Variants in STK39 observed in about 807,000 individuals in gnomAD.
STK39 encodes the protein STE20/SPS1-related proline-alanine-rich protein kinase.
A neutral mutation model predicts 77.8 loss-of-function variants in STK39; 20 were observed. That is an observed-to-expected ratio of 0.26 (90% CI 0.18 to 0.37). The LOEUF is 0.37. Among genes scored for constraint, STK39 ranks in the 10% least tolerant of loss-of-function variants. The probability of loss-of-function intolerance (pLI) is 1.00; values close to 1 mark genes in which losing one functional copy is unlikely to be tolerated. For missense variants in STK39, 479 were observed against 656.5 expected, an observed-to-expected ratio of 0.73 and a Z score of 2.95; for synonymous variants, 246 against 234.1, an observed-to-expected ratio of 1.05 and a Z score of -0.47.
At chr2:168,130,486 GA>G (rs1687651814) in intron 8 of STK39, among the ~76,000 whole-genome samples, 1 of 152,176 alleles carries the variant, frequency 6.6e-6, no homozygotes, top group African/African-American at 2.4e-5. Flanking sequence ...CAGCACCTCA[GA>G]GGCAGGTCCT....
intron 10 of STK39, among the ~76,000 whole-genome samples, chr2:168,102,929 CAAAAAAAAAAAAAAA>C (rs35442749): frequency 4.0e-5 from 2 of 50,084 alleles, no homozygotes; most frequent in Admixed American, 2.6e-4. Flanking sequence ...GAATCCGTCT[CAAAAAAAAAAAAAAA>C]AAAAAAAAAA....
At chr2:168,220,238 G>A (rs1407932705) in intron 1 of STK39, among the ~76,000 whole-genome samples, 1 of 151,992 alleles carries the variant, frequency 6.6e-6, no homozygotes, top group Non-Finnish European at 1.5e-5. Flanking sequence ...AACTCAATTC[G>A]CAACAGCAAC....
intron 1 of STK39, among the ~76,000 whole-genome samples, chr2:168,233,782 T>C (rs1031765249): frequency 2.6e-5 from 4 of 152,222 alleles, no homozygotes; most frequent in African/African-American, 9.6e-5. Context: ...TAAGACAAAC[T>C]GAAGTGATTC....
At chr2:168,217,858 T>C (rs1370123253) in intron 1 of STK39, among the ~76,000 whole-genome samples, 2 of 152,210 alleles carry the variant, frequency 1.3e-5, no homozygotes, top group Non-Finnish European at 2.9e-5. Context: ...GAGGACTGAC[T>C]GTAGACATAT....
At chr2:168,222,291 TA>T (rs1294207359) in intron 1 of STK39, among the ~76,000 whole-genome samples, 2 of 152,168 alleles carry the variant, frequency 1.3e-5, no homozygotes, top group Non-Finnish European at 2.9e-5. Context: ...ATAACTTTTC[TA>T]AACCTCCCAA....
intron 10 of STK39, among the ~76,000 whole-genome samples, chr2:168,125,615 T>C (rs1687520769): frequency 6.6e-6 from 1 of 152,108 alleles, no homozygotes; most frequent in Non-Finnish European, 1.5e-5. Flanking sequence ...AAAATCAAGA[T>C]GATCCCTAAA....
At chr2:167,976,817 T>G (rs1442498429) in intron 16 of STK39, among the ~76,000 whole-genome samples, 1 of 152,206 alleles carries the variant, frequency 6.6e-6, no homozygotes, top group Non-Finnish European at 1.5e-5. Flanking sequence ...TCAGAGAGAC[T>G]GGTCTGCATA....
Position 167,962,279 on chromosome 2 carries a change from T to C in STK39, c.1563+2383A>G, listed in dbSNP as rs73026948. Among the ~76,000 whole-genome samples the C allele has an allele frequency of 3.6e-3, 556 of 152,332 alleles. 2 individuals are homozygous for C. Among genetic ancestry groups the C allele is most frequent in the African/African-American group, 0.012 (515 of 41,580 alleles). ...TTTATTCCTGAATAAAATAACCAAG[T>C]TGATGAATGAAGGTAAATACATTTG... On this transcript the variant is annotated intron_variant, in intron 17 of 17. Transcript: ENST00000355999.
intron 14 of STK39, among the ~76,000 whole-genome samples, chr2:168,042,577 C>CTTTTTTTTTTTTTT (rs540413448): frequency 1.5e-5 from 2 of 133,046 alleles, no homozygotes. Context: ...TTCCTTCCTT[C>CTTTTTTTTTTTTTT]TTTTTTTTTT....
chr2:168,134,181 G>A (rs949962029), intron 8 of STK39, among the ~76,000 whole-genome samples: 4 of 152,168 alleles, frequency 2.6e-5, no homozygotes, highest in African/African-American at 9.6e-5. Flanking sequence ...CAAAATAATG[G>A]TCCAGGCTTT....
rs370605599 is a variant in STK39 at position 168,108,608 on chromosome 2, G to A, written c.1089+20933C>T. On this transcript the variant is annotated intron_variant, in intron 10 of 17. Coordinates refer to ENST00000355999, the MANE Select transcript of STK39 (RefSeq NM_013233.3). ...GAAACGATGGGGTACTTTTGCTAAT[G>A]TTCCAGAATTTCACAGACATGGAGT... 1.5e-4 allele frequency among the ~76,000 whole-genome samples: 23 copies of A among 152,048 alleles called. No individual in the cohort carries two copies. In the South Asian group the frequency reaches 3.1e-3, roughly 21 times the overall value.
chr2:168,134,308 A>G (rs1179376471), intron 8 of STK39, among the ~76,000 whole-genome samples: 1 of 152,182 alleles, frequency 6.6e-6, no homozygotes, highest in Non-Finnish European at 1.5e-5. Context: ...ACCAAAGTCC[A>G]CTGAGACTTA....
At chr2:168,033,591 T>C (rs1684879626) in intron 14 of STK39, among the ~76,000 whole-genome samples, 1 of 152,210 alleles carries the variant, frequency 6.6e-6, no homozygotes, top group East Asian at 1.9e-4. Context: ...TTTCAGGCTG[T>C]TCTGAAGTGT....
chr2:168,001,682 C>T (rs1019519508), intron 16 of STK39, among the ~76,000 whole-genome samples: 1 of 152,042 alleles, frequency 6.6e-6, no homozygotes, highest in South Asian at 2.1e-4. Context: ...AAACAAGGAG[C>T]GGTATTACCT....
At chr2:168,221,601 C>A (rs191135739) in intron 1 of STK39, among the ~76,000 whole-genome samples, 1 of 152,266 alleles carries the variant, frequency 6.6e-6, no homozygotes, top group African/African-American at 2.4e-5. Flanking sequence ...AACTATATAA[C>A]ATGCTACTGA....
intron 1 of STK39, among the ~76,000 whole-genome samples, chr2:168,218,318 G>C (rs1690075422): frequency 6.6e-6 from 1 of 152,160 alleles, no homozygotes; most frequent in Non-Finnish European, 1.5e-5. Flanking sequence ...CAAAAGCTCA[G>C]AAAATTCCCC....
chr2:168,008,382 C>T (rs140022398), intron 16 of STK39, among the ~76,000 whole-genome samples: 4 of 152,206 alleles, frequency 2.6e-5, no homozygotes, highest in Non-Finnish European at 4.4e-5. Flanking sequence ...AAGGACAATG[C>T]CCAGGGTTTT....
intron 5 of STK39, among the ~76,000 whole-genome samples, chr2:168,160,425 T>C (rs928333263): frequency 1.4e-4 from 22 of 152,176 alleles, no homozygotes; most frequent in African/African-American, 5.3e-4. Context: ...GGAGTATCAC[T>C]GTGATCCTGT....
chr2:168,219,973 T>A (rs1690124485), intron 1 of STK39, among the ~76,000 whole-genome samples: 1 of 151,850 alleles, frequency 6.6e-6, no homozygotes, highest in African/African-American at 2.4e-5. Flanking sequence ...TGAAACATAA[T>A]GGTATGCTAT....
Sources: allele counts gnomAD v4.1 joint callset (sites outside exome capture counted in the v4.1 genomes callset), GRCh38; gene constraint gnomAD v4.1.1; transcripts MANE v1.5; gene names NCBI Gene and HGNC (gene_info 2026-07-23, HGNC 2026-07-21).